Variants in RPGRIP1L observed in about 807,000 individuals in gnomAD.
RPGRIP1L encodes RPGRIP1 like, also known as protein fantom.
RPGRIP1L carries 131 observed loss-of-function variants against 160.4 expected under a neutral mutation model. That is an observed-to-expected ratio of 0.82 (90% CI 0.71 to 0.94). The LOEUF is 0.94. RPGRIP1L is among the 40% of genes least tolerant of loss of function. The probability of loss-of-function intolerance (pLI) is 0.00; values close to 1 mark genes in which losing one functional copy is unlikely to be tolerated. For synonymous variants in RPGRIP1L, 510 were observed against 515.8 expected (o/e 0.99, Z 0.15); for missense variants, 1,522 against 1,535.8 (o/e 0.99, Z 0.15).
chr16:53,692,564 T>G (rs1970460786), intron 3 of RPGRIP1L, among the ~76,000 whole-genome samples, 200 bp from the exon 4 acceptor site: 1 of 152,240 alleles, frequency 6.6e-6, no homozygotes, highest in Non-Finnish European at 1.5e-5. Flanking sequence ...TTTATAGCAC[T>G]GACAAATAAC....
intron 9 of RPGRIP1L, among the ~76,000 whole-genome samples, chr16:53,666,564 C>CTA (rs1555608901): frequency 5.3e-5 from 6 of 112,294 alleles, no homozygotes; most frequent in African/African-American, 1.2e-4. Context: ...GTGAGTACAT[C>CTA]TATGTGTGTG....
chr16:53,610,924 A>G (rs1874811363), intron 25 of RPGRIP1L, 43 bp downstream of exon 25: 1 of 1,424,958 alleles, frequency 7.0e-7, no homozygotes, highest in Non-Finnish European at 9.9e-7. Context: ...ACAGAGATCT[A>G]CTTTATGTAA....
chr16:53,639,634 A>G (rs981350817), intron 19 of RPGRIP1L, among the ~76,000 whole-genome samples: 1 of 152,142 alleles, frequency 6.6e-6, no homozygotes, highest in Non-Finnish European at 1.5e-5. Context: ...TACTGTGTTC[A>G]AATCCCAGTT....
chr16:53,652,008 C>A (rs1269191165), intron 15 of RPGRIP1L, among the ~76,000 whole-genome samples: 1 of 151,786 alleles, frequency 6.6e-6, no homozygotes. Context: ...AAAAGAGTAT[C>A]AATACAATAA....
chr16:53,627,235 T>C (rs894546775), intron 22 of RPGRIP1L, among the ~76,000 whole-genome samples: 4 of 152,220 alleles, frequency 2.6e-5, no homozygotes, highest in East Asian at 1.9e-4. Flanking sequence ...TACTGCATAA[T>C]TGAGAATGGC....
At chr16:53,672,177 A>G (rs914588132) in intron 8 of RPGRIP1L, among the ~76,000 whole-genome samples, 1 of 152,168 alleles carries the variant, frequency 6.6e-6, no homozygotes, top group Non-Finnish European at 1.5e-5. Context: ...TTACATCCCT[A>G]TGGCTAAAAT....
chr16:53,683,523 G>A (rs1449304253), intron 6 of RPGRIP1L, among the ~76,000 whole-genome samples: 2 of 152,068 alleles, frequency 1.3e-5, no homozygotes, highest in African/African-American at 4.8e-5. Context: ...AATAGAGGTT[G>A]AAGTATTTAT....
chr16:53,703,018 C>A (rs1469555114), intron 1 of RPGRIP1L, among the ~76,000 whole-genome samples: 1 of 152,170 alleles, frequency 6.6e-6, no homozygotes, highest in Non-Finnish European at 1.5e-5. Context: ...CCTGTAATCC[C>A]AGCACTTTGC....
rs138048667 is a variant in RPGRIP1L at position 53,696,216 on chromosome 16, C to T, written c.165G>A (p.Leu55=). 4.4e-5 allele frequency: 71 copies of T among 1,614,016 alleles called. No individual in the cohort carries two copies. The African/African-American group carries it at 8.9e-4, about 20-fold the overall frequency. ...VSREELEDRF[L]RLHDENILLK... is the part of the protein sequence containing the mutation. The stretch of plus-strand genomic sequence containing the variant: ...GTAAAATGTTCTCATCATGCAAACG[C>T]AAAAATCTGTCTTCCAGTTCCTCAC... Residue 55 remains leucine (L), a synonymous_variant, in exon 3 of 27, where the codon TTG becomes TTA. Coordinates refer to ENST00000647211, the MANE Select transcript of RPGRIP1L (RefSeq NM_015272.5).
intron 19 of RPGRIP1L, among the ~76,000 whole-genome samples, chr16:53,640,055 T>C (rs1296268381): frequency 6.6e-6 from 1 of 152,122 alleles, no homozygotes; most frequent in Non-Finnish European, 1.5e-5. Flanking sequence ...CCACAGAGAA[T>C]GGTAAAAATC....
intron 10 of RPGRIP1L, among the ~76,000 whole-genome samples, chr16:53,660,643 C>G (rs1267379665): frequency 1.3e-5 from 2 of 151,996 alleles, no homozygotes; most frequent in African/African-American, 2.4e-5. Flanking sequence ...TGCCTGTAAT[C>G]CCAGCACTTT....
chr16:53,668,842 G>A (rs1192319191), intron 9 of RPGRIP1L, among the ~76,000 whole-genome samples: 1 of 152,096 alleles, frequency 6.6e-6, no homozygotes. Context: ...TCTTGGCAGT[G>A]TATCAAAAGT....
chr16:53,640,999 G>T, intron 19 of RPGRIP1L, 34 bp downstream of exon 19: 1 of 1,444,052 alleles, frequency 6.9e-7, no homozygotes, highest in South Asian at 1.1e-5. Context: ...TATTTGTTAT[G>T]AAAAAATCAG....
In RPGRIP1L at chr16:53,601,813, A is replaced by G; in HGVS notation, c.*263T>C. On this transcript the variant is annotated 3_prime_UTR_variant, in exon 27 of 27. Coordinates refer to ENST00000647211, the MANE Select transcript of RPGRIP1L (RefSeq NM_015272.5). ...TGCAAATAGACTTTCTCACGCTATC[A>G]CGTAGGTATAAATTATTGAGAAGGT... The G allele has an allele frequency of 2.5e-6, 1 of 393,682 alleles. No homozygotes were observed. Among genetic ancestry groups the G allele is most frequent in the Non-Finnish European group, 4.7e-6 (1 of 213,032 alleles). 24.4% of individuals were successfully genotyped at this position (393,682 alleles called of 1,614,324 possible).
chr16:53,610,001 G>A (rs951251893), intron 25 of RPGRIP1L, among the ~76,000 whole-genome samples: 4 of 151,942 alleles, frequency 2.6e-5, no homozygotes, highest in African/African-American at 7.3e-5. Flanking sequence ...CTCCTAAGGC[G>A]GCAGAGTCAG....
In RPGRIP1L at chr16:53,686,503, A is replaced by G. The variant is rs1266143274; in HGVS notation, c.706T>C (p.Leu236=). 5 of 1,613,560 alleles carry G rather than the reference A, an allele frequency of 3.1e-6. No homozygotes were observed. The highest frequency in any genetic ancestry group is 2.7e-5 in the African/African-American group (2 of 74,902). The change falls in exon 6 of 27, where the codon TTG becomes CTG. Residue 236 remains leucine (L), a synonymous_variant. Transcript: ENST00000647211. ...TCAATTTCATTTTCTTTTCTCCTCA[A>G]CTGAGTTTTCAGGATCTCAGCCAAG... ...EHLAEILKTQ[L]RRKENEIELS... is the part of the protein sequence containing the mutation.
At position 53,686,533 on chromosome 16, in the gene RPGRIP1L, C is replaced by A. The variant is rs2151318201; in HGVS notation, c.676G>T (p.Glu226Ter). 6.2e-7 allele frequency: 1 copy of A among 1,613,710 alleles called. No individual in the cohort carries two copies. Among genetic ancestry groups the A allele is most frequent in the Non-Finnish European group, 8.5e-7 (1 of 1,179,768 alleles). Residue 226 changes from glutamate to a stop codon, truncating the protein, a stop_gained, in exon 6 of 27, where the codon GAG becomes TAG. Coordinates refer to ENST00000647211, the MANE Select transcript of RPGRIP1L (RefSeq NM_015272.5). LOFTEE classifies it high-confidence loss of function. ...GTTTTCAGGATCTCAGCCAAGTGCT[C>A]TAACTCCTCTATCTGGCCTCTTTGT... ...QSQRGQIEEL[E>*]HLAEILKTQL... is the part of the protein sequence containing the mutation.
chr16:53,635,323 T>C (rs1216006286), intron 22 of RPGRIP1L: 2 of 152,142 alleles, frequency 1.3e-5, no homozygotes, highest in African/African-American at 2.4e-5. Flanking sequence ...AATTAATAAA[T>C]ATATAATAAT....
chr16:53,627,677 G>GT (rs1345990399), intron 22 of RPGRIP1L, among the ~76,000 whole-genome samples: 1 of 151,686 alleles, frequency 6.6e-6, no homozygotes, highest in African/African-American at 2.4e-5. Context: ...ATTATTTTCT[G>GT]TTTTTTGGTT....
Sources: gnomAD v4.1 joint callset for allele counts (sites outside exome capture counted in the v4.1 genomes callset) on GRCh38, gnomAD v4.1.1 for gene constraint, MANE v1.5 for transcripts, NCBI Gene and HGNC (gene_info 2026-07-23, HGNC 2026-07-21) for gene names.